KCNJ6: variants seen among roughly 807,000 people sequenced by gnomAD.
KCNJ6 encodes G protein-activated inward rectifier potassium channel 2.
Under a neutral mutation model 34.2 loss-of-function variants are expected in KCNJ6, and 9 were observed. The ratio of observed to expected loss-of-function variants is 0.26; its 90% CI spans 0.16 to 0.46. The LOEUF (loss-of-function observed/expected upper bound fraction) is 0.46. Ranked by LOEUF, KCNJ6 falls within the 20% of genes least tolerant of loss-of-function variation. The pLI is 1.00. For synonymous variants in KCNJ6, 196 were observed against 207.1 expected, an observed-to-expected ratio of 0.95 and a Z score of 0.46; for missense variants, 236 against 531.3, an observed-to-expected ratio of 0.44 and a Z score of 5.46.
intron 2 of KCNJ6, among the ~76,000 whole-genome samples, chr21:37,805,601 T>C (rs918073545): frequency 1.4e-5 from 2 of 138,706 alleles, no homozygotes; most frequent in African/African-American, 5.2e-5. Context: ...TTGATTTGTG[T>C]TACCAAAAGG....
chr21:37,712,228 T>C (rs2054756705), intron 3 of KCNJ6, among the ~76,000 whole-genome samples: 1 of 152,154 alleles, frequency 6.6e-6, no homozygotes, highest in Non-Finnish European at 1.5e-5. Context: ...TTCTTGAGCT[T>C]GGAGACACTG....
intron 2 of KCNJ6, among the ~76,000 whole-genome samples, chr21:37,802,866 A>G (rs1219486329): frequency 6.6e-6 from 1 of 152,130 alleles, no homozygotes; most frequent in Non-Finnish European, 1.5e-5. Flanking sequence ...AGGTCAGCAT[A>G]GTTAAGGAAT....
chr21:37,871,288 G>A (rs1432737433), intron 1 of KCNJ6, among the ~76,000 whole-genome samples: 1 of 152,168 alleles, frequency 6.6e-6, no homozygotes, highest in Non-Finnish European at 1.5e-5. Context: ...CATGTGTTGT[G>A]TCCACTCCTC....
intron 3 of KCNJ6, among the ~76,000 whole-genome samples, chr21:37,676,646 A>G (rs576802703): frequency 1.3e-5 from 2 of 152,352 alleles, no homozygotes; most frequent in East Asian, 1.9e-4. Flanking sequence ...GGGGAAAGCA[A>G]GGCACCAGCC....
intron 2 of KCNJ6, among the ~76,000 whole-genome samples, chr21:37,754,452 G>A (rs2055013400): frequency 6.6e-6 from 1 of 152,202 alleles, no homozygotes; most frequent in African/African-American, 2.4e-5. Flanking sequence ...GAACTGATGT[G>A]TCTTTCTAGG....
At chr21:37,693,604 G>A (rs1458995619) in intron 3 of KCNJ6, among the ~76,000 whole-genome samples, 1 of 152,144 alleles carries the variant, frequency 6.6e-6, no homozygotes, top group African/African-American at 2.4e-5. Context: ...AGAGGTGGGA[G>A]GGGTGGGGGG....
At chr21:37,725,072 C>A (rs191079203) in intron 2 of KCNJ6, among the ~76,000 whole-genome samples, 36 of 151,944 alleles carry the variant, frequency 2.4e-4, no homozygotes, top group Non-Finnish European at 1.2e-4. Context: ...ATTTACAACA[C>A]GACACATATA....
chr21:37,819,021 C>T (rs548865392), intron 2 of KCNJ6, among the ~76,000 whole-genome samples: 5 of 152,106 alleles, frequency 3.3e-5, no homozygotes, highest in East Asian at 1.9e-4. Flanking sequence ...ATTACTTCAC[C>T]CCTAGAACTC....
At chr21:37,777,079 G>C (rs1370824007) in intron 2 of KCNJ6, among the ~76,000 whole-genome samples, 1 of 152,144 alleles carries the variant, frequency 6.6e-6, no homozygotes, top group African/African-American at 2.4e-5. Context: ...AGTCTTGGGA[G>C]GGCGTATGTG....
chr21:37,623,165 C>T lies in KCNJ6; in HGVS notation c.*1994G>A, dbSNP rs145711743. ...CCAACAGTTTTGTTTTCCTTAAAGT[C>T]AGTGCCAAGAGGCAGTTGTCCTGAT... On this transcript the variant is annotated 3_prime_UTR_variant, in exon 4 of 4. Coordinates refer to ENST00000609713, the MANE Select transcript of KCNJ6 (RefSeq NM_002240.5). The T allele has an allele frequency of 6.6e-6, 1 of 152,348 alleles. No individual in the cohort carries two copies. Among genetic ancestry groups the T allele is most frequent in the East Asian group, 1.9e-4 (1 of 5,190 alleles). 9.4% of individuals were successfully genotyped at this position (152,348 alleles called of 1,614,324 possible).
rs552346071 is a variant in KCNJ6 at position 37,884,350 on chromosome 21, C to T, written c.-28+31534G>A. 5.2e-4 allele frequency among the ~76,000 whole-genome samples: 79 copies of T among 152,272 alleles called. No homozygotes were observed. The South Asian group carries it at 8.9e-3, about 17-fold the overall frequency. ...TTCATGGTCATGCTTGCTGGGCTGGCGGGCTACCACGACTGAGACCCTCGT... is the reference window on the plus strand; with the variant it reads ...TTCATGGTCATGCTTGCTGGGCTGGTGGGCTACCACGACTGAGACCCTCGT... On this transcript the variant is annotated intron_variant, in intron 1 of 3. Transcript: ENST00000609713.
chr21:37,750,855 G>A (rs975719220), intron 2 of KCNJ6, among the ~76,000 whole-genome samples: 10 of 152,088 alleles, frequency 6.6e-5, no homozygotes, highest in Admixed American at 3.3e-4. Context: ...TTCTGCGCAG[G>A]TATCCCACAA....
intron 3 of KCNJ6, among the ~76,000 whole-genome samples, chr21:37,651,952 ATC>A (rs1446274070): frequency 4.6e-5 from 7 of 152,192 alleles, no homozygotes; most frequent in African/African-American, 7.2e-5. Context: ...TTTACTCCAT[ATC>A]TCTTTAGGAT....
chr21:37,904,735 A>G (rs1026240982), intron 1 of KCNJ6, among the ~76,000 whole-genome samples: 5 of 152,214 alleles, frequency 3.3e-5, no homozygotes, highest in Non-Finnish European at 7.3e-5. Flanking sequence ...TTTGACAGAT[A>G]TGGCTGAATG....
At chr21:37,775,700 G>A (rs9680252) in intron 2 of KCNJ6, among the ~76,000 whole-genome samples, 74,691 of 151,490 alleles carry the variant, frequency 0.49, 18,573 homozygotes, top group Non-Finnish European at 0.52. Flanking sequence ...GTTCTGTTCC[G>A]TTGGTCTATA....
intron 2 of KCNJ6, among the ~76,000 whole-genome samples, chr21:37,771,110 G>A (rs2055115827): frequency 6.6e-6 from 1 of 152,194 alleles, no homozygotes; most frequent in Non-Finnish European, 1.5e-5. Flanking sequence ...GTGTTTTAAG[G>A]AGATAGTGTG....
intron 1 of KCNJ6, among the ~76,000 whole-genome samples, chr21:37,904,263 T>C (rs140722704): frequency 1.3e-5 from 2 of 152,164 alleles, no homozygotes; most frequent in African/African-American, 4.8e-5. Flanking sequence ...CTAGCTATTA[T>C]CCCAGTGGCC....
At chr21:37,673,662 C>A (rs1439059389) in intron 3 of KCNJ6, among the ~76,000 whole-genome samples, 1 of 152,172 alleles carries the variant, frequency 6.6e-6, no homozygotes, top group African/African-American at 2.4e-5. Flanking sequence ...ACATGCATAA[C>A]CAGCAGACAG....
At chr21:37,859,527 ATAT>A (rs2055583904) in intron 1 of KCNJ6, among the ~76,000 whole-genome samples, 4 of 101,632 alleles carry the variant, frequency 3.9e-5, no homozygotes, top group South Asian at 6.3e-4. Context: ...ATATATATAT[ATAT>A]AAAATACTTA....
Sources: gnomAD v4.1 joint callset for allele counts (sites outside exome capture counted in the v4.1 genomes callset) on GRCh38, gnomAD v4.1.1 for gene constraint, MANE v1.5 for transcripts, NCBI Gene and HGNC (gene_info 2026-07-23, HGNC 2026-07-21) for gene names.